Variants in AHNAK2 observed in about 807,000 individuals in gnomAD.
The protein encoded by AHNAK2 is protein AHNAK2.
In AHNAK2, 18 loss-of-function variants were observed where a neutral mutation model predicts 30.7. The observed-to-expected ratio is 0.59, with a 90% confidence interval of 0.41 to 0.87. The LOEUF (loss-of-function observed/expected upper bound fraction) is 0.87, where lower values mean the gene tolerates loss of function less well. Ranked by LOEUF, AHNAK2 falls within the 40% of genes least tolerant of loss-of-function variation. The probability of loss-of-function intolerance (pLI) is 0.00; values close to 1 mark genes in which losing one functional copy is unlikely to be tolerated. For synonymous variants in AHNAK2, 3,590 were observed against 3,073.8 expected (o/e 1.17, Z -5.56); for missense variants, 8,604 against 7,373.0 (o/e 1.17, Z -6.11).
rs1196682520 is a variant in AHNAK2, at chr14:104,952,227, G to A, written c.3224C>T (p.Ala1075Val). 1.2e-6 allele frequency: 2 copies of A among 1,612,572 alleles called. No homozygotes were observed. Among genetic ancestry groups the A allele is most frequent in the South Asian group, 2.2e-5 (2 of 91,008 alleles). ...CTTGGGCAAGTGCCCTTTAAGGCCAGCTCCCTCGGGCAGGTGGCCCTCCGG... is the reference window on the plus strand; with the variant it reads ...CTTGGGCAAGTGCCCTTTAAGGCCAACTCCCTCGGGCAGGTGGCCCTCCGG... Reference protein sequence around the residue: ...KLPEGHLPEGAGLKGHLPKVE... With the variant: ...KLPEGHLPEGVGLKGHLPKVE... Residue 1075 changes from alanine (A) to valine (V), a missense_variant, in exon 7 of 7, where the codon GCT becomes GTT. Physicochemically the swap from Ala to Val is moderately conservative, Grantham distance 64. Coordinates refer to ENST00000333244, the MANE Select transcript of AHNAK2 (RefSeq NM_138420.4).
intron 3 of AHNAK2, among the ~76,000 whole-genome samples, 197 bp from the exon 4 acceptor site, chr14:104,956,886 C>A (rs1408822274): frequency 6.6e-6 from 1 of 152,180 alleles, no homozygotes; most frequent in Non-Finnish European, 1.5e-5. Context: ...TCCTGCTTCC[C>A]GACAGGGCCC....
Position 104,945,719 on chromosome 14 carries a change from G to A in AHNAK2, c.9732C>T (p.Pro3244=). 1.2e-6 allele frequency: 2 copies of A among 1,601,106 alleles called. No homozygotes were observed. The highest frequency in any genetic ancestry group is 1.4e-5 in the African/African-American group (1 of 73,536). Residue 3244 remains proline (P), a synonymous_variant, in exon 7 of 7, where the codon CCC becomes CCT. Transcript: ENST00000333244. ...FKMPKVDRKG[P]QIDIKGPKLD... is the part of the protein sequence containing the mutation. ...GCTTGGGGCCCTTGATGTCTATCTG[G>A]GGGCCCTTGCGATCTACTTTGGGCA...
Position 104,951,896 on chromosome 14 carries a change from C to A in AHNAK2, c.3555G>T (p.Ser1185=). Residue 1185 remains serine (S), a synonymous_variant, in exon 7 of 7, where the codon TCG becomes TCT. Transcript: ENST00000333244. ...CCACTTTGGGTGCAGACACATCCACCGAGGCCTCGATGGACTTGCCTGGGG... is the reference window on the plus strand; with the variant it reads ...CCACTTTGGGTGCAGACACATCCACAGAGGCCTCGATGGACTTGCCTGGGG... The part of the protein sequence containing the change: ...ASAPGKSIEA[S]VDVSAPKVEA... The A allele has an allele frequency of 6.2e-7, 1 of 1,607,846 alleles. No individual in the cohort carries two copies. The highest frequency in any genetic ancestry group is 8.5e-7 in the Non-Finnish European group (1 of 1,177,856).
Position 104,954,279 on chromosome 14 carries a change from T to C in AHNAK2, c.1172A>G (p.Gln391Arg), listed in dbSNP as rs370885302. ...AEQDREVMPA[Q>R]SMPLPTELGD... Reference sequence around the variant, plus strand: ...GAGCTCTGTGGGCAATGGCATGCTCTGAGCAGGCATCACTTCTCGATCCTG... The same window carrying C: ...GAGCTCTGTGGGCAATGGCATGCTCCGAGCAGGCATCACTTCTCGATCCTG... Residue 391 changes from glutamine (Q) to arginine (R), a missense_variant, in exon 7 of 7, where the codon CAG becomes CGG. Coordinates refer to ENST00000333244, the MANE Select transcript of AHNAK2 (RefSeq NM_138420.4). This position sits in a 1 kb window ranked among gnomAD's most constrained non-coding sequence, Gnocchi z 4.3. The C allele has an allele frequency of 1.5e-5, 25 of 1,613,372 alleles. No individual in the cohort carries two copies. In the African/African-American group the frequency reaches 2.5e-4, roughly 16 times the overall value.
Position 104,954,918 on chromosome 14 carries a change from G to A in AHNAK2, c.651+39C>T. 5.0e-6 allele frequency: 6 copies of A among 1,209,200 alleles called. No individual in the cohort carries two copies. Among genetic ancestry groups the A allele is most frequent in the Non-Finnish European group, 6.9e-6 (6 of 870,354 alleles). 74.9% of individuals were successfully genotyped at this position (1,209,200 alleles called of 1,614,324 possible). A position where few individuals can be genotyped will look rare whatever the true frequency, so the allele number is the denominator to read the frequency against. On this transcript the variant is annotated intron_variant, in intron 6 of 6. Transcript: ENST00000333244. The surrounding 1 kb of genome is among the most constrained non-coding windows in gnomAD (Gnocchi z 4.3). ...CAGGCTCAGCCAGCAGGGTAGTGAA[G>A]CCAGCTGGGGCCCTGCCCCCCGGGC...
Position 104,949,513 on chromosome 14 carries a change from C to T in AHNAK2, c.5938G>A (p.Asp1980Asn), listed in dbSNP as rs1898528920. Residue 1980 changes from aspartate (D) to asparagine (N), a missense_variant, in exon 7 of 7, where the codon GAC becomes AAC. Asp to Asn is a conservative substitution (Grantham distance 23). Transcript: ENST00000333244. ...AACTTGCTGTCTTTGGCAGTCATGTCCTTGTCGGCCAGGGACAGGTCTCCC... is the reference window on the plus strand; with the variant it reads ...AACTTGCTGTCTTTGGCAGTCATGTTCTTGTCGGCCAGGGACAGGTCTCCC... ...LEGDLSLADKDMTAKDSKFKM... is the reference protein window; with the variant it reads ...LEGDLSLADKNMTAKDSKFKM... 2 of 1,588,142 alleles carry T rather than the reference C, an allele frequency of 1.3e-6. No homozygotes were observed. Among genetic ancestry groups the T allele is most frequent in the Non-Finnish European group, 1.7e-6 (2 of 1,162,968 alleles).
In AHNAK2 at chr14:104,956,940, T is replaced by C. The variant is rs56741413; in HGVS notation, c.214-251A>G. 9.3e-3 allele frequency among the ~76,000 whole-genome samples: 1,420 copies of C among 152,156 alleles called. 23 individuals are homozygous for C. The highest frequency in any genetic ancestry group is 0.033 in the African/African-American group (1,356 of 41,502). On this transcript the variant is annotated intron_variant, in intron 3 of 6. Coordinates refer to ENST00000333244, the MANE Select transcript of AHNAK2 (RefSeq NM_138420.4). ...CCCACCCTACAGCCCACAGCGCCCA[T>C]AGGGAAGCCCCACAGCAACTGGAGT...
chr14:104,954,283 C>T lies in AHNAK2; in HGVS notation c.1168G>A (p.Ala390Thr), dbSNP rs977798936. 8.1e-6 allele frequency: 13 copies of T among 1,613,346 alleles called. No homozygotes were observed. Among genetic ancestry groups the T allele is most frequent in the Non-Finnish European group, 1.0e-5 (12 of 1,179,890 alleles). Reference protein sequence around the residue: ...RAEQDREVMPAQSMPLPTELG... With the variant: ...RAEQDREVMPTQSMPLPTELG... ...TCTGTGGGCAATGGCATGCTCTGAG[C>T]AGGCATCACTTCTCGATCCTGTTCT... is the stretch of plus-strand genomic sequence containing the variant. Residue 390 changes from alanine (A) to threonine (T), a missense_variant, in exon 7 of 7, where the codon GCT becomes ACT. Physicochemically the swap from Ala to Thr is moderately conservative, Grantham distance 58. Transcript: ENST00000333244. The surrounding 1 kb of genome is among the most constrained non-coding windows in gnomAD (Gnocchi z 4.3).
rs541978189 is a variant in AHNAK2, at chr14:104,950,884, C to G, written c.4567G>C (p.Val1523Leu). ...GAGGGGAGGCTCACGTCGGCCTCCA[C>G]CTTCGGCGCAGACACATCCACTGAG... Reference protein sequence around the residue: ...EASVDVSAPKVEADVSLPSMQ... With the variant: ...EASVDVSAPKLEADVSLPSMQ... The change falls in exon 7 of 7, where the codon GTG becomes CTG. Residue 1523 changes from valine (V) to leucine (L), a missense_variant. By Grantham distance (32) the Val-to-Leu change is conservative (BLOSUM62 1). Coordinates refer to ENST00000333244, the MANE Select transcript of AHNAK2 (RefSeq NM_138420.4). 2 of 1,570,116 alleles carry G rather than the reference C, an allele frequency of 1.3e-6. No homozygotes were observed. The highest frequency in any genetic ancestry group is 2.8e-5 in the African/African-American group (2 of 72,670).
At position 104,945,637 on chromosome 14, in the gene AHNAK2, G is replaced by T. The variant is rs1898225176; in HGVS notation, c.9814C>A (p.Pro3272Thr). Residue 3272 changes from proline (P) to threonine (T), a missense_variant, in exon 7 of 7, where the codon CCC becomes ACC. Coordinates refer to ENST00000333244, the MANE Select transcript of AHNAK2 (RefSeq NM_138420.4). Reference protein sequence around the residue: ...VTAPDVEVSQPSMEVDVEAPG... With the variant: ...VTAPDVEVSQTSMEVDVEAPG... ...GCCTCGACGTCCACCTCCATGCTGG[G>T]CTGAGACACCTCCACGTCGGGGGCC... The T allele has an allele frequency of 6.4e-7, 1 of 1,566,630 alleles. No homozygotes were observed. Among genetic ancestry groups the T allele is most frequent in the South Asian group, 1.2e-5 (1 of 86,878 alleles).
At chr14:104,976,324 C>A (rs1449819852) in intron 1 of AHNAK2, among the ~76,000 whole-genome samples, 1 of 152,172 alleles carries the variant, frequency 6.6e-6, no homozygotes, top group East Asian at 1.9e-4. Context: ...GGAGATGGCT[C>A]CCTGCTGGGC....
intron 1 of AHNAK2, among the ~76,000 whole-genome samples, chr14:104,974,305 G>A (rs1203937820): frequency 6.6e-6 from 1 of 152,174 alleles, no homozygotes. Context: ...CATCCCCCAC[G>A]GAGCAGCTTC....
chr14:104,938,084 G>C lies in AHNAK2; in HGVS notation c.17367C>G (p.Gly5789=). The C allele has an allele frequency of 6.2e-7, 1 of 1,613,818 alleles. No individual in the cohort carries two copies. Among genetic ancestry groups the C allele is most frequent in the Non-Finnish European group, 8.5e-7 (1 of 1,179,806 alleles). The change falls in exon 7 of 7, where the codon GGC becomes GGG. Residue 5789 remains glycine (G), a synonymous_variant. Transcript: ENST00000333244. The part of the protein sequence containing the change: ...RKADDESKGS[G]LGPNEG ...CCTCTCAGCCTTCATTTGGTCCCAGGCCTGACCCTTTGCTTTCATCGTCAG... is the reference window on the plus strand; with the variant it reads ...CCTCTCAGCCTTCATTTGGTCCCAGCCCTGACCCTTTGCTTTCATCGTCAG...
At position 104,948,739 on chromosome 14, in the gene AHNAK2, T is replaced by G; in HGVS notation, c.6712A>C (p.Lys2238Gln). ...ACCTTGAAACTGGGCATCTGCAGCT[T>G]GGGCAGGTGCCCTTTGAGGCCGACT... Reference protein sequence around the residue: ...EEVGLKGHLPKLQMPSFKVPK... With the variant: ...EEVGLKGHLPQLQMPSFKVPK... The change falls in exon 7 of 7, where the codon AAG becomes CAG. Residue 2238 changes from lysine to glutamine, a missense_variant. Lys to Gln is a moderately conservative substitution (Grantham distance 53). Coordinates refer to ENST00000333244, the MANE Select transcript of AHNAK2 (RefSeq NM_138420.4). 1 of 1,611,724 alleles carries G rather than the reference T, an allele frequency of 6.2e-7. No homozygotes were observed. Among genetic ancestry groups the G allele is most frequent in the Non-Finnish European group, 8.5e-7 (1 of 1,179,506 alleles).
Position 104,947,862 on chromosome 14 carries a change from T to A in AHNAK2, c.7589A>T (p.Asp2530Val), listed in dbSNP as rs1358114744. Residue 2530 changes from aspartate to valine, a missense_variant, in exon 7 of 7, where the codon GAC becomes GTC. Asp to Val is a radical substitution (Grantham distance 152). Transcript: ENST00000333244. The part of the protein sequence containing the change: ...SSMQGDLKAT[D>V]LSIQPPSADL... Reference sequence around the variant, plus strand: ...AGCGGAAGGGGGCTGAATGCTGAGGTCAGTGGCCTTGAGGTCCCCCTGCAT... The same window carrying A: ...AGCGGAAGGGGGCTGAATGCTGAGGACAGTGGCCTTGAGGTCCCCCTGCAT... 6.8e-6 allele frequency: 11 copies of A among 1,612,266 alleles called. No individual in the cohort carries two copies. Among genetic ancestry groups the A allele is most frequent in the Non-Finnish European group, 9.3e-6 (11 of 1,179,492 alleles).
rs775693934 is a variant in AHNAK2 at position 104,944,499 on chromosome 14, G to A, written c.10952C>T (p.Ser3651Leu). The change falls in exon 7 of 7, where the codon TCG (serine) becomes TTG (leucine). Residue 3651 changes from serine (S) to leucine (L), a missense_variant. By Grantham distance (145) the Ser-to-Leu change is moderately radical. Transcript: ENST00000333244. Reference sequence around the variant, plus strand: ...GGCCTCCATGGACTTCCCTGGGGCCGATACCCTGAATGACGGCATCTTGAA... The same window carrying A: ...GGCCTCCATGGACTTCCCTGGGGCCAATACCCTGAATGACGGCATCTTGAA... ...PKFKMPSFRV[S>L]APGKSMEASV... The A allele has an allele frequency of 1.5e-5, 24 of 1,612,764 alleles. No individual in the cohort carries two copies. Among genetic ancestry groups the A allele is most frequent in the African/African-American group, 5.4e-5 (4 of 74,528 alleles).
At chr14:104,959,475 A>T (rs981631582) in intron 1 of AHNAK2, among the ~76,000 whole-genome samples, 1 of 151,860 alleles carries the variant, frequency 6.6e-6, no homozygotes, top group Non-Finnish European at 1.5e-5. Context: ...CGGCCCAAAA[A>T]TTTTTTTAAA....
rs752121648 is a variant in AHNAK2, at chr14:104,952,157, G to A, written c.3294C>T (p.Gly1098=). Residue 1098 remains glycine, a synonymous_variant, in exon 7 of 7, where the codon GGC becomes GGT. Transcript: ENST00000333244. ...SFKMPKVALK[G]PQVDVKGPKL... ...TGGGGCCCTTGACGTCCACCTGGGG[G>A]CCCTTGAGGGCCACTTTGGGCATCT... 2 of 1,612,084 alleles carry A rather than the reference G, an allele frequency of 1.2e-6. No homozygotes were observed. The highest frequency in any genetic ancestry group is 1.7e-6 in the Non-Finnish European group (2 of 1,179,406).
chr14:104,956,660 A>C lies in AHNAK2; in HGVS notation c.243T>G (p.Ala81=). ...QEDAPGRQGS[A]GRRRSWWKRD... Reference sequence around the variant, plus strand: ...GCTTCCACCAGGATCTCCGTCTCCCAGCAGAACCTTGCCTGCCGGGGGCGT... The same window carrying C: ...GCTTCCACCAGGATCTCCGTCTCCCCGCAGAACCTTGCCTGCCGGGGGCGT... The change falls in exon 4 of 7, where the codon GCT becomes GCG. Residue 81 remains alanine, a synonymous_variant. Coordinates refer to ENST00000333244, the MANE Select transcript of AHNAK2 (RefSeq NM_138420.4). The C allele has an allele frequency of 6.2e-7, 1 of 1,613,798 alleles. No individual in the cohort carries two copies. Among genetic ancestry groups the C allele is most frequent in the Non-Finnish European group, 8.5e-7 (1 of 1,179,856 alleles).
Sources: allele counts gnomAD v4.1 joint callset (sites outside exome capture counted in the v4.1 genomes callset), GRCh38; gene constraint gnomAD v4.1.1; non-coding constraint Gnocchi (gnomAD v3.1); transcripts MANE v1.5; gene names NCBI Gene and HGNC (gene_info 2026-07-23, HGNC 2026-07-21).